The following C3orf49 variants were observed in gnomAD, a reference collection of about 807,000 sequenced individuals.
C3orf49 encodes the protein chromosome 3 open reading frame 49.
A neutral mutation model predicts 13.3 loss-of-function variants in C3orf49; 27 were observed. The observed-to-expected ratio is 2.02, with a 90% CI of 1.49 to 2.79. C3orf49 has a LOEUF of 2.79. Among genes scored for constraint, C3orf49 ranks in the 30% most tolerant of loss-of-function variants. The pLI is 0.00. For synonymous variants in C3orf49, 87 were observed against 47.6 expected (o/e 1.83, Z -3.40); for missense variants, 242 against 134.2 (o/e 1.80, Z -3.97).
chr3:63,782,640 C>T, the C3orf49 span: 8 of 152,214 alleles, frequency 5.3e-5, no homozygotes, highest in Admixed American at 4.6e-4. Context: ...TTAAAACAAT[C>T]GATTCATCTA....
the C3orf49 span, among the ~76,000 whole-genome samples, chr3:63,783,680 T>C: frequency 6.6e-6 from 1 of 151,540 alleles, no homozygotes; most frequent in Non-Finnish European, 1.5e-5. Context: ...ACTGTGCCAC[T>C]ACACTCCAGC....
At chr3:63,833,479 C>T (rs771727158) in intron 5 of C3orf49, 11 of 152,102 alleles carry the variant, frequency 7.2e-5, no homozygotes, top group Non-Finnish European at 1.6e-4. Context: ...GAAAATGATT[C>T]CTAAAGAACA....
upstream of C3orf49, among the ~76,000 whole-genome samples, chr3:63,817,499 C>T (rs1438670472): frequency 1.3e-5 from 2 of 152,040 alleles, no homozygotes; most frequent in Non-Finnish European, 2.9e-5. Context: ...CTCAAAGAAG[C>T]TTGGGAGGTA....
intron 5 of C3orf49, among the ~76,000 whole-genome samples, chr3:63,841,530 G>A (rs1701760737): frequency 6.6e-6 from 1 of 152,192 alleles, no homozygotes; most frequent in Non-Finnish European, 1.5e-5. Context: ...AGGTGCAGCG[G>A]AGATAAACTT....
the C3orf49 span, among the ~76,000 whole-genome samples, chr3:63,803,103 C>G: frequency 2.3e-4 from 35 of 152,326 alleles, no homozygotes; most frequent in Middle Eastern, 3.4e-3. Context: ...ACAGACCTCT[C>G]CTGCCCCTTT....
chr3:63,780,931 C>T, the C3orf49 span, among the ~76,000 whole-genome samples: 2 of 152,048 alleles, frequency 1.3e-5, no homozygotes, highest in African/African-American at 2.4e-5. Flanking sequence ...TTCTCCCATT[C>T]TGTAGGTTGC....
At chr3:63,783,633 G>A in the C3orf49 span, among the ~76,000 whole-genome samples, 5 of 151,716 alleles carry the variant, frequency 3.3e-5, no homozygotes, top group African/African-American at 1.2e-4. Context: ...CACGAGAATG[G>A]TGTGAACCCA....
At chr3:63,838,673 A>G (rs2107123705) in intron 5 of C3orf49, among the ~76,000 whole-genome samples, 1 of 152,304 alleles carries the variant, frequency 6.6e-6, no homozygotes, top group Non-Finnish European at 1.5e-5. Context: ...CAAATGTAGT[A>G]TTCTTGAATT....
chr3:63,805,304 T>G, the C3orf49 span, among the ~76,000 whole-genome samples: 5 of 152,374 alleles, frequency 3.3e-5, no homozygotes, highest in South Asian at 1.0e-3. Flanking sequence ...ATTTTGTATT[T>G]TAAAACCACA....
upstream of C3orf49, among the ~76,000 whole-genome samples, chr3:63,814,511 C>CGAGATTGCAT (rs1446512655): frequency 6.6e-6 from 1 of 152,092 alleles, no homozygotes; most frequent in Non-Finnish European, 1.5e-5. Flanking sequence ...TAGGATTATG[C>CGAGATTGCAT]AATCTCAGAC....
intron 5 of C3orf49, among the ~76,000 whole-genome samples, chr3:63,837,232 G>A (rs891381032): frequency 6.6e-6 from 1 of 151,642 alleles, no homozygotes; most frequent in Non-Finnish European, 1.5e-5. Context: ...CAAAAACAGA[G>A]AAAAGAACCT....
upstream of C3orf49, among the ~76,000 whole-genome samples, chr3:63,815,752 TTTTTC>T (rs1268934694): frequency 3.3e-5 from 5 of 151,614 alleles, no homozygotes; most frequent in Non-Finnish European, 5.9e-5. Context: ...TTTGTTTGTT[TTTTTC>T]TTTTCTTTTC....
upstream of C3orf49, among the ~76,000 whole-genome samples, chr3:63,818,141 T>C (rs1171860213): frequency 1.3e-5 from 2 of 152,110 alleles, no homozygotes; most frequent in African/African-American, 4.8e-5. Context: ...TCCTAGAATA[T>C]GGATTCCTGG....
At chr3:63,812,156 T>C in the C3orf49 span, among the ~76,000 whole-genome samples, 58 of 152,330 alleles carry the variant, frequency 3.8e-4, no homozygotes, top group Admixed American at 1.1e-3. Context: ...TGAAATCTTC[T>C]GATATTCAAA....
the C3orf49 span, among the ~76,000 whole-genome samples, chr3:63,811,642 G>A: frequency 2.0e-5 from 3 of 151,840 alleles, no homozygotes; most frequent in South Asian, 4.1e-4. Flanking sequence ...GACTACTTGG[G>A]AGGCTGGGGT....
At chr3:63,784,765 G>A in the C3orf49 span, 1 of 152,198 alleles carries the variant, frequency 6.6e-6, no homozygotes, top group African/African-American at 2.4e-5. Context: ...GGCTGAGGCA[G>A]GTGAATCACT....
intron 5 of C3orf49, chr3:63,838,627 A>G: frequency 1.1e-6 from 1 of 903,682 alleles, no homozygotes; most frequent in Non-Finnish European, 1.6e-6. Flanking sequence ...GCTTATTTAA[A>G]ATTTAGAATA....
At chr3:63,805,348 CT>C in the C3orf49 span, among the ~76,000 whole-genome samples, 1 of 152,136 alleles carries the variant, frequency 6.6e-6, no homozygotes, top group Non-Finnish European at 1.5e-5. Context: ...CTTTTTATTA[CT>C]TTTTTTATTA....
At chr3:63,798,581 G>A in the C3orf49 span, among the ~76,000 whole-genome samples, 1 of 151,758 alleles carries the variant, frequency 6.6e-6, no homozygotes, top group Non-Finnish European at 1.5e-5. Flanking sequence ...TCATCATCAG[G>A]CCCCAAAACA....
Sources: gnomAD v4.1 joint callset for allele counts (sites outside exome capture counted in the v4.1 genomes callset) on GRCh38, gnomAD v4.1.1 for gene constraint, MANE v1.5 for transcripts, NCBI Gene and HGNC (gene_info 2026-07-23, HGNC 2026-07-21) for gene names.